Variants in GPC6 observed in about 807,000 individuals in gnomAD.
GPC6 encodes glypican-6.
A neutral mutation model predicts 55.2 loss-of-function variants in GPC6; 14 were observed. The ratio of observed to expected loss-of-function variants is 0.25; its 90% CI spans 0.17 to 0.40. The LOEUF (loss-of-function observed/expected upper bound fraction) is 0.40, where lower values mean the gene tolerates loss of function less well. Ranked by LOEUF, GPC6 falls within the 10% of genes least tolerant of loss-of-function variation. The pLI, the probability that GPC6 is intolerant of heterozygous loss-of-function variation, is 1.00. For missense variants in GPC6, 641 were observed against 708.5 expected (o/e 0.90, Z 1.08); for synonymous variants, 278 against 259.6 (o/e 1.07, Z -0.68).
In GPC6 at chr13:93,514,365, A is replaced by G. The variant is rs572929075; in HGVS notation, c.161-30898A>G. On this transcript the variant is annotated intron_variant, in intron 1 of 8. Transcript: ENST00000377047. ...GCGGTCTATTTTACCTTTTCTCATA[A>G]TATTCTCTCAAGGGAAAATAAGACT... 2.6e-5 allele frequency among the ~76,000 whole-genome samples: 4 copies of G among 152,230 alleles called. No homozygotes were observed. The South Asian group carries it at 8.3e-4, about 32-fold the overall frequency.
At chr13:93,774,625 C>G (rs539062488) in intron 2 of GPC6, among the ~76,000 whole-genome samples, 7 of 152,246 alleles carry the variant, frequency 4.6e-5, no homozygotes, top group Admixed American at 3.9e-4. Flanking sequence ...TGAGTAACAT[C>G]TTGATGTATG....
chr13:93,506,502 C>T (rs146420997), intron 1 of GPC6, among the ~76,000 whole-genome samples: 161 of 152,192 alleles, frequency 1.1e-3, no homozygotes, highest in Non-Finnish European at 1.9e-3. Context: ...GGCTGACTTA[C>T]CAATATGTAC....
At chr13:94,263,930 C>G (rs1382825770) in intron 4 of GPC6, among the ~76,000 whole-genome samples, 4 of 152,188 alleles carry the variant, frequency 2.6e-5, no homozygotes, top group African/African-American at 9.7e-5. Flanking sequence ...CACCAGAGAA[C>G]TGTGTCTTGC....
chr13:93,593,990 A>T (rs1158854419), intron 2 of GPC6, among the ~76,000 whole-genome samples: 1 of 152,140 alleles, frequency 6.6e-6, no homozygotes, highest in Non-Finnish European at 1.5e-5. Context: ...GACAGTGGAA[A>T]ATATATATGG....
At chr13:93,482,941 A>G (rs1287414849) in intron 1 of GPC6, among the ~76,000 whole-genome samples, 1 of 152,042 alleles carries the variant, frequency 6.6e-6, no homozygotes. Flanking sequence ...GTCTGCTTGC[A>G]TTTTAGAGTA....
chr13:93,717,768 C>G lies in GPC6; in HGVS notation c.320-112386C>G, dbSNP rs545503894. ...TAATGCTATCCTTCCCCTTGCCCCC[C>G]ACCCCTGACAGACCTTGGTGTGTGA... On this transcript the variant is annotated intron_variant, in intron 2 of 8. Coordinates refer to ENST00000377047, the MANE Select transcript of GPC6 (RefSeq NM_005708.5). Among the ~76,000 whole-genome samples the G allele has an allele frequency of 2.0e-4, 30 of 151,750 alleles. No homozygotes were observed. In the South Asian group the frequency reaches 5.6e-3, roughly 28 times the overall value.
intron 2 of GPC6, among the ~76,000 whole-genome samples, chr13:93,793,909 G>A (rs1396378566): frequency 6.6e-6 from 1 of 152,132 alleles, no homozygotes; most frequent in Non-Finnish European, 1.5e-5. Flanking sequence ...AGTATGGTGT[G>A]AAATACTGGG....
At chr13:93,718,539 C>G (rs1453513359) in intron 2 of GPC6, among the ~76,000 whole-genome samples, 1 of 152,026 alleles carries the variant, frequency 6.6e-6, no homozygotes, top group Non-Finnish European at 1.5e-5. Context: ...CAAAAATGTT[C>G]TCCCATTCTG....
intron 2 of GPC6, among the ~76,000 whole-genome samples, chr13:93,722,527 A>C (rs551096292): frequency 3.6e-4 from 55 of 151,914 alleles, no homozygotes; most frequent in Non-Finnish European, 6.6e-4. Context: ...TTGTCTGTTT[A>C]CCTATCATTG....
intron 3 of GPC6, among the ~76,000 whole-genome samples, chr13:94,015,909 A>C (rs1178889505): frequency 6.6e-6 from 1 of 152,240 alleles, no homozygotes; most frequent in Non-Finnish European, 1.5e-5. Flanking sequence ...TTTTACAAAA[A>C]TGCATAACAC....
intron 2 of GPC6, among the ~76,000 whole-genome samples, chr13:93,756,193 G>T (rs1157998126): frequency 3.9e-5 from 6 of 152,154 alleles, no homozygotes; most frequent in Non-Finnish European, 8.8e-5. Flanking sequence ...CAATCAAGAT[G>T]TTCTTAGCAT....
intron 1 of GPC6, among the ~76,000 whole-genome samples, chr13:93,231,393 A>ATATG (rs1307548456): frequency 1.6e-4 from 4 of 24,880 alleles, no homozygotes; most frequent in East Asian, 1.2e-3. Context: ...ATATATATAT[A>ATATG]TATGTATATA....
At chr13:93,840,302 G>A (rs1055257590) in intron 3 of GPC6, among the ~76,000 whole-genome samples, 5 of 152,054 alleles carry the variant, frequency 3.3e-5, no homozygotes, top group Non-Finnish European at 7.4e-5. Context: ...GATCATTCGA[G>A]GCTACTGTGA....
chr13:93,388,765 C>G (rs1875502236), intron 1 of GPC6, among the ~76,000 whole-genome samples: 1 of 152,242 alleles, frequency 6.6e-6, no homozygotes, highest in South Asian at 2.1e-4. Flanking sequence ...TATGTTTATT[C>G]CTTTCTTTAT....
chr13:93,940,136 CT>C (rs1052434616), intron 3 of GPC6, among the ~76,000 whole-genome samples: 1 of 152,258 alleles, frequency 6.6e-6, no homozygotes, highest in African/African-American at 2.4e-5. Context: ...TATTTGTACA[CT>C]TTTCTTACAT....
At chr13:93,313,726 G>A (rs1879151614) in intron 1 of GPC6, among the ~76,000 whole-genome samples, 1 of 151,940 alleles carries the variant, frequency 6.6e-6, no homozygotes, top group African/African-American at 2.4e-5. Flanking sequence ...CTATTCACAA[G>A]TATGATCATA....
At position 93,973,713 on chromosome 13, in the gene GPC6, A is replaced by C. The variant is rs538186752; in HGVS notation, c.712-54016A>C. On this transcript the variant is annotated intron_variant, in intron 3 of 8. Coordinates refer to ENST00000377047, the MANE Select transcript of GPC6 (RefSeq NM_005708.5). Reference sequence around the variant, plus strand: ...CACCAATATTTACCCTGTTTCAGTTATTTTATACCAAAGTTTCTTAACTGA... The same window carrying C: ...CACCAATATTTACCCTGTTTCAGTTCTTTTATACCAAAGTTTCTTAACTGA... 2.0e-5 allele frequency among the ~76,000 whole-genome samples: 3 copies of C among 152,290 alleles called. No individual in the cohort carries two copies. In the South Asian group the frequency reaches 6.2e-4, roughly 32 times the overall value.
chr13:93,276,344 G>A (rs2139060518), intron 1 of GPC6, among the ~76,000 whole-genome samples: 1 of 152,086 alleles, frequency 6.6e-6, no homozygotes, highest in East Asian at 1.9e-4. Context: ...GCTCATTTTG[G>A]GGTTTTGAAA....
intron 3 of GPC6, among the ~76,000 whole-genome samples, chr13:93,845,859 G>A (rs1424028563): frequency 6.8e-6 from 1 of 147,040 alleles, no homozygotes; most frequent in Non-Finnish European, 1.5e-5. Flanking sequence ...GGGAGGGATA[G>A]CATTGGGAGA....
Sources: gnomAD v4.1 joint callset for allele counts (sites outside exome capture counted in the v4.1 genomes callset) on GRCh38, gnomAD v4.1.1 for gene constraint, MANE v1.5 for transcripts, NCBI Gene and HGNC (gene_info 2026-07-23, HGNC 2026-07-21) for gene names.